The following MYO18B variants were observed in gnomAD, a reference collection of about 807,000 sequenced individuals.
MYO18B encodes the protein unconventional myosin-XVIIIb.
Under a neutral mutation model 273.0 loss-of-function variants are expected in MYO18B, and 204 were observed. That is an observed-to-expected ratio of 0.75 (90% CI 0.67 to 0.84). The LOEUF is 0.84. MYO18B is among the 40% of genes least tolerant of loss of function. MYO18B has a pLI of 0.00. For synonymous variants in MYO18B, 1,330 were observed against 1,305.7 expected, an observed-to-expected ratio of 1.02 and a Z score of -0.40; for missense variants, 3,212 against 3,287.6, an observed-to-expected ratio of 0.98 and a Z score of 0.56.
intron 17 of MYO18B, among the ~76,000 whole-genome samples, chr22:25,840,575 GCC>G (rs1327605300): frequency 1.3e-5 from 2 of 152,396 alleles, no homozygotes; most frequent in South Asian, 4.1e-4. Flanking sequence ...TGGGGATGAC[GCC>G]TGGCACAGCT....
chr22:25,990,816 G>A (rs140417604), intron 39 of MYO18B, among the ~76,000 whole-genome samples: 3 of 149,084 alleles, frequency 2.0e-5, no homozygotes, highest in East Asian at 2.0e-4. Context: ...TGGGAATTGC[G>A]CTTTGACCCC....
intron 3 of MYO18B, among the ~76,000 whole-genome samples, chr22:25,765,378 A>G (rs139409627): frequency 6.6e-6 from 1 of 152,332 alleles, no homozygotes; most frequent in East Asian, 1.9e-4. Flanking sequence ...TCCTCATCTA[A>G]TCCTTGCAAG....
intron 39 of MYO18B, among the ~76,000 whole-genome samples, chr22:25,968,338 A>G (rs1276461296): frequency 6.6e-6 from 1 of 152,180 alleles, no homozygotes; most frequent in Non-Finnish European, 1.5e-5. Context: ...GGAGAGTAGA[A>G]GAATAGATTC....
Position 25,759,377 on chromosome 22 carries a change from CA to C in MYO18B, c.-109-1606del, listed in dbSNP as rs1426843546. Among the ~76,000 whole-genome samples, 716 of 152,254 alleles carry C rather than the reference CA, an allele frequency of 4.7e-3. 6 individuals are homozygous for C. The highest frequency in any genetic ancestry group is 6.8e-3 in the Middle Eastern group (2 of 294). On this transcript the variant is annotated intron_variant, in intron 1 of 43. Transcript: ENST00000335473. ...AATGAGTTCATGTCCTTTGCAGGGA[CA>C]TGGATGAAGCTGGAAACCATCATTC...
At chr22:25,867,098 C>T (rs1286938995) in intron 21 of MYO18B, among the ~76,000 whole-genome samples, 5 of 152,036 alleles carry the variant, frequency 3.3e-5, no homozygotes, top group African/African-American at 1.2e-4. Context: ...AAAGCCCCTT[C>T]ATTTAGTTTT....
At chr22:25,863,976 A>G (rs1021978656) in intron 21 of MYO18B, among the ~76,000 whole-genome samples, 3 of 152,226 alleles carry the variant, frequency 2.0e-5, no homozygotes, top group Admixed American at 6.5e-5. Context: ...AATCAGGACA[A>G]CAACCTTAGG....
At chr22:25,882,968 C>A (rs964513289) in intron 25 of MYO18B, among the ~76,000 whole-genome samples, 1 of 152,142 alleles carries the variant, frequency 6.6e-6, no homozygotes, top group African/African-American at 2.4e-5. Context: ...GTAAACACAG[C>A]TCACTGCAGC....
rs201745993 is a variant in MYO18B at position 25,874,302 on chromosome 22, G to T, written c.3968G>T (p.Gly1323Val). The change falls in exon 23 of 44, where the codon GGT becomes GTT. Residue 1323 changes from glycine to valine, a missense_variant. Coordinates refer to ENST00000335473, the MANE Select transcript of MYO18B (RefSeq NM_032608.7). ...VGHSQVFLKA[G>V]VISRLEKQRE... is the part of the protein sequence containing the mutation. ...TCTCCCCAGGTTTTTCTCAAGGCAG[G>T]TGTGATCTCCAGGCTTGAGAAGCAG... 7.4e-4 allele frequency: 1,195 copies of T among 1,613,808 alleles called. 2 individuals carry two copies. Among genetic ancestry groups the T allele is most frequent in the Non-Finnish European group, 9.2e-4 (1,087 of 1,179,868 alleles).
At chr22:25,819,631 G>A (rs1003930545) in intron 12 of MYO18B, among the ~76,000 whole-genome samples, 2 of 152,092 alleles carry the variant, frequency 1.3e-5, no homozygotes, top group Non-Finnish European at 2.9e-5. Context: ...TTCTATTTGT[G>A]GCAGGTGATA....
At chr22:25,840,479 A>C (rs1243172760) in intron 17 of MYO18B, among the ~76,000 whole-genome samples, 1 of 152,210 alleles carries the variant, frequency 6.6e-6, no homozygotes, top group African/African-American at 2.4e-5. Flanking sequence ...ATTGGTCACC[A>C]GGGCATGTCC....
chr22:25,840,955 A>T (rs997109608), intron 17 of MYO18B, among the ~76,000 whole-genome samples: 1 of 152,226 alleles, frequency 6.6e-6, no homozygotes, highest in African/African-American at 2.4e-5. Context: ...GGTTAAAAAG[A>T]AAAAATAGTT....
intron 39 of MYO18B, among the ~76,000 whole-genome samples, chr22:25,976,788 G>A (rs539270440): frequency 9.2e-5 from 14 of 152,148 alleles, no homozygotes; most frequent in Non-Finnish European, 1.3e-4. Flanking sequence ...CTATTGATGA[G>A]GCTTGATTTG....
At chr22:25,940,047 T>A (rs1046368835) in intron 34 of MYO18B, among the ~76,000 whole-genome samples, 16 of 152,352 alleles carry the variant, frequency 1.1e-4, no homozygotes, top group South Asian at 8.3e-4. Flanking sequence ...CTCCTAGGCT[T>A]GTACAGTGCA....
At chr22:25,977,572 A>T (rs2093104705) in intron 39 of MYO18B, among the ~76,000 whole-genome samples, 1 of 152,176 alleles carries the variant, frequency 6.6e-6, no homozygotes, top group Non-Finnish European at 1.5e-5. Context: ...TTTGAGGCCC[A>T]TGCTGGGGCA....
intron 39 of MYO18B, among the ~76,000 whole-genome samples, chr22:25,989,533 A>G (rs935594712): frequency 3.3e-5 from 5 of 150,688 alleles, no homozygotes; most frequent in Non-Finnish European, 5.9e-5. Flanking sequence ...CTGTACTCCC[A>G]GCACTTTAGG....
At chr22:25,808,532 G>A (rs1340125249) in intron 12 of MYO18B, among the ~76,000 whole-genome samples, 1 of 152,148 alleles carries the variant, frequency 6.6e-6, no homozygotes, top group African/African-American at 2.4e-5. Flanking sequence ...AGCTGGCCAA[G>A]CTGGTGGGTA....
the MYO18B span, among the ~76,000 whole-genome samples, chr22:26,043,460 T>C: frequency 1.3e-5 from 2 of 151,994 alleles, no homozygotes; most frequent in African/African-American, 2.4e-5. Flanking sequence ...AGGGTAGATA[T>C]ATGTGCAATT....
At chr22:25,798,980 G>A (rs1280583184) in intron 12 of MYO18B, among the ~76,000 whole-genome samples, 1 of 151,952 alleles carries the variant, frequency 6.6e-6, no homozygotes, top group East Asian at 1.9e-4. Flanking sequence ...TCCCCATTTT[G>A]ACCTGGTCTT....
chr22:25,768,026 C>A, intron 3 of MYO18B, 89 bp from the exon 4 acceptor site: 1 of 1,201,068 alleles, frequency 8.3e-7, no homozygotes, highest in Non-Finnish European at 1.2e-6. Flanking sequence ...GAGAAGTGAA[C>A]AATGAAATGA....
Sources: allele counts gnomAD v4.1 joint callset (sites outside exome capture counted in the v4.1 genomes callset), GRCh38; gene constraint gnomAD v4.1.1; transcripts MANE v1.5; gene names NCBI Gene and HGNC (gene_info 2026-07-23, HGNC 2026-07-21).